Variants in NMNAT2 observed in about 807,000 individuals in gnomAD.
NMNAT2 encodes nicotinamide nucleotide adenylyltransferase 2.
NMNAT2 carries 11 observed loss-of-function variants against 41.6 expected under a neutral mutation model. The observed-to-expected ratio is 0.26, with a 90% confidence interval of 0.17 to 0.44. NMNAT2 has a LOEUF of 0.44. NMNAT2 is among the 20% of genes least tolerant of loss of function. The pLI, the probability that NMNAT2 is intolerant of heterozygous loss-of-function variation, is 1.00. For synonymous variants in NMNAT2, 148 were observed against 151.2 expected, an observed-to-expected ratio of 0.98 and a Z score of 0.16; for missense variants, 288 against 407.7, an observed-to-expected ratio of 0.71 and a Z score of 2.53.
chr1:183,374,384 C>T (rs776562700), intron 1 of NMNAT2, among the ~76,000 whole-genome samples: 9 of 152,216 alleles, frequency 5.9e-5, no homozygotes, highest in Non-Finnish European at 1.0e-4. Context: ...CCTTCTACCC[C>T]GTCAAGAAGA....
intron 1 of NMNAT2, among the ~76,000 whole-genome samples, chr1:183,347,545 GA>G (rs925374735): frequency 2.7e-4 from 41 of 152,288 alleles, no homozygotes; most frequent in African/African-American, 9.4e-4. Flanking sequence ...TTATTATATG[GA>G]AAAAGCTTGG....
chr1:183,373,321 G>A (rs1194346838), intron 1 of NMNAT2, among the ~76,000 whole-genome samples: 2 of 152,200 alleles, frequency 1.3e-5, no homozygotes, highest in Non-Finnish European at 2.9e-5. Flanking sequence ...TAACTGAGAG[G>A]CCTGATTGCA....
At chr1:183,395,474 A>G (rs1395093477) in intron 1 of NMNAT2, among the ~76,000 whole-genome samples, 1 of 152,034 alleles carries the variant, frequency 6.6e-6, no homozygotes, top group East Asian at 1.9e-4. Flanking sequence ...TTCCAATAAG[A>G]GAAGAACAAA....
intron 5 of NMNAT2, among the ~76,000 whole-genome samples, chr1:183,286,204 T>C (rs973956308): frequency 3.3e-5 from 5 of 152,190 alleles, no homozygotes; most frequent in African/African-American, 1.2e-4. Flanking sequence ...TCTGAGTAGC[T>C]GGGACTACAG....
chr1:183,344,380 G>A (rs1021382178), intron 1 of NMNAT2, among the ~76,000 whole-genome samples: 1 of 152,156 alleles, frequency 6.6e-6, no homozygotes, highest in Non-Finnish European at 1.5e-5. Flanking sequence ...CAACCACCAC[G>A]TGGCACTGCT....
chr1:183,413,967 C>G (rs1457136573), intron 1 of NMNAT2, among the ~76,000 whole-genome samples: 1 of 152,196 alleles, frequency 6.6e-6, no homozygotes, highest in South Asian at 2.1e-4. Context: ...ATTGTTCTCA[C>G]TGAAGCTTAT....
At chr1:183,362,962 G>T (rs978264448) in intron 1 of NMNAT2, among the ~76,000 whole-genome samples, 8 of 152,004 alleles carry the variant, frequency 5.3e-5, no homozygotes, top group East Asian at 1.9e-4. Context: ...ACTTGTTATT[G>T]TCTGTCTTTT....
intron 1 of NMNAT2, among the ~76,000 whole-genome samples, chr1:183,344,334 G>A (rs190501551): frequency 1.4e-3 from 217 of 152,284 alleles, no homozygotes; most frequent in Non-Finnish European, 2.4e-3. Context: ...ACAGGGATTC[G>A]ATTCCAGGGC....
chr1:183,331,631 T>C (rs1441017344), intron 1 of NMNAT2, among the ~76,000 whole-genome samples: 1 of 152,226 alleles, frequency 6.6e-6, no homozygotes, highest in African/African-American at 2.4e-5. Context: ...TTCCAGCAGC[T>C]GCAGCCTCAG....
At chr1:183,410,146 A>G (rs1490989233) in intron 1 of NMNAT2, among the ~76,000 whole-genome samples, 1 of 137,190 alleles carries the variant, frequency 7.3e-6, no homozygotes, top group Non-Finnish European at 1.6e-5. Flanking sequence ...CTGTCTCTAC[A>G]AAAATAATAC....
chr1:183,417,328 C>T (rs1265378457), intron 1 of NMNAT2, among the ~76,000 whole-genome samples: 1 of 152,128 alleles, frequency 6.6e-6, no homozygotes, highest in Non-Finnish European at 1.5e-5. Flanking sequence ...CGCGATAAGT[C>T]CCCTCCCCCC....
chr1:183,290,779 C>A (rs2102307654), intron 3 of NMNAT2: 1 of 152,370 alleles, frequency 6.6e-6, no homozygotes, highest in East Asian at 1.9e-4. Flanking sequence ...CAGTGAGGTG[C>A]CTTGTGGGCG....
chr1:183,409,283 T>G (rs914236850), intron 1 of NMNAT2, among the ~76,000 whole-genome samples: 2 of 152,208 alleles, frequency 1.3e-5, no homozygotes, highest in African/African-American at 4.8e-5. Context: ...TTTTAAATGG[T>G]AAATAATTTC....
chr1:183,254,697 A>C (rs1660474024), intron 10 of NMNAT2, among the ~76,000 whole-genome samples: 1 of 152,168 alleles, frequency 6.6e-6, no homozygotes, highest in Admixed American at 6.5e-5. Context: ...TCAGCCTCCC[A>C]GCGTGCTGGG....
At chr1:183,299,822 C>A (rs900438957) in intron 1 of NMNAT2, among the ~76,000 whole-genome samples, 7 of 152,116 alleles carry the variant, frequency 4.6e-5, no homozygotes, top group African/African-American at 1.4e-4. Flanking sequence ...TGTAAATCTA[C>A]CCTTTTGATA....
intron 8 of NMNAT2, among the ~76,000 whole-genome samples, chr1:183,271,044 C>A (rs1205420798): frequency 6.6e-6 from 1 of 152,112 alleles, no homozygotes; most frequent in African/African-American, 2.4e-5. Context: ...CAATTAGAAC[C>A]AGCCTGTGGA....
At chr1:183,285,109 CA>C (rs1661369463) in intron 5 of NMNAT2, among the ~76,000 whole-genome samples, 1 of 152,168 alleles carries the variant, frequency 6.6e-6, no homozygotes, top group African/African-American at 2.4e-5. Flanking sequence ...TTAATGCACC[CA>C]TAATCCCACC....
chr1:183,401,920 TG>T (rs943001337), intron 1 of NMNAT2, among the ~76,000 whole-genome samples: 5 of 43,998 alleles, frequency 1.1e-4, no homozygotes, highest in Non-Finnish European at 8.7e-5. Flanking sequence ...GGGCCTGTCA[TG>T]GGGTTGGGGG....
At chr1:183,345,204 T>C (rs1468990642) in intron 1 of NMNAT2, among the ~76,000 whole-genome samples, 4 of 152,110 alleles carry the variant, frequency 2.6e-5, no homozygotes, top group African/African-American at 9.7e-5. Flanking sequence ...AGCCTTGAAG[T>C]CATCTTTGAC....
Sources: gnomAD v4.1 joint callset for allele counts (sites outside exome capture counted in the v4.1 genomes callset) on GRCh38, gnomAD v4.1.1 for gene constraint, MANE v1.5 for transcripts, NCBI Gene and HGNC (gene_info 2026-07-23, HGNC 2026-07-21) for gene names.